DLC1: variants seen among roughly 807,000 people sequenced by gnomAD.
DLC1 encodes DLC1 Rho GTPase activating protein.
Under a neutral mutation model 140.3 loss-of-function variants are expected in DLC1, and 54 were observed. The observed-to-expected ratio is 0.38, with a 90% confidence interval of 0.31 to 0.48. DLC1 has a LOEUF of 0.48. DLC1 is among the 20% of genes least tolerant of loss of function. The probability of loss-of-function intolerance (pLI) is 0.96; values close to 1 mark genes in which losing one functional copy is unlikely to be tolerated. For missense variants in DLC1, 2,536 were observed against 1,907.0 expected, an observed-to-expected ratio of 1.33 and a Z score of -6.14; for synonymous variants, 986 against 728.1, an observed-to-expected ratio of 1.35 and a Z score of -5.70.
intron 3 of DLC1, among the ~76,000 whole-genome samples, chr8:13,397,862 G>C (rs566445169): frequency 1.3e-5 from 2 of 151,628 alleles, no homozygotes; most frequent in Non-Finnish European, 2.9e-5. Context: ...GCCAGGTGTG[G>C]TGGCTCACGC....
intron 4 of DLC1, 138 bp downstream of exon 4, chr8:13,393,415 T>G (rs1164608181): frequency 2.0e-6 from 2 of 985,282 alleles, no homozygotes; most frequent in Non-Finnish European, 2.8e-6. Flanking sequence ...TTGTACTTAA[T>G]TAAATAAATT....
At chr8:13,204,567 A>C (rs560464764) in intron 5 of DLC1, among the ~76,000 whole-genome samples, 1 of 152,330 alleles carries the variant, frequency 6.6e-6, no homozygotes, top group African/African-American at 2.4e-5. Context: ...TCATACACAC[A>C]CACAGTCATA....
rs74534666 is a variant in DLC1, at chr8:13,423,425, T to G, written c.1024-21806A>C. Among the ~76,000 whole-genome samples, 1,367 of 152,274 alleles carry G rather than the reference T, an allele frequency of 9.0e-3. 23 individuals are homozygous for G. The highest frequency in any genetic ancestry group is 0.032 in the African/African-American group (1,314 of 41,570). Reference sequence around the variant, plus strand: ...TAAGTGATTTGGAGAAGTAGACTTGTTTTATAAGCTGATGGGGAGGGATCT... The same window carrying G: ...TAAGTGATTTGGAGAAGTAGACTTGGTTTATAAGCTGATGGGGAGGGATCT... On this transcript the variant is annotated intron_variant, in intron 2 of 17. Coordinates refer to ENST00000276297, the MANE Select transcript of DLC1 (RefSeq NM_182643.3).
chr8:13,219,668 T>C (rs1304744028), intron 5 of DLC1, among the ~76,000 whole-genome samples: 1 of 151,984 alleles, frequency 6.6e-6, no homozygotes, highest in East Asian at 1.9e-4. Flanking sequence ...TATATCTATA[T>C]CTCCAAGAAT....
chr8:13,192,806 G>T (rs1454369196), intron 5 of DLC1, among the ~76,000 whole-genome samples: 1 of 152,208 alleles, frequency 6.6e-6, no homozygotes, highest in Non-Finnish European at 1.5e-5. Flanking sequence ...CCCTCTGAGG[G>T]CAAAGCAGAG....
At chr8:13,473,287 C>CCACA (rs1416907687) in intron 2 of DLC1, among the ~76,000 whole-genome samples, 2 of 152,040 alleles carry the variant, frequency 1.3e-5, no homozygotes, top group African/African-American at 2.4e-5. Context: ...TGGGAAGGAC[C>CCACA]TGGTGGGAGG....
intron 4 of DLC1, among the ~76,000 whole-genome samples, chr8:13,383,575 C>G (rs144281349): frequency 9.4e-4 from 143 of 152,266 alleles, no homozygotes; most frequent in African/African-American, 3.2e-3. Flanking sequence ...TAACCAGCCT[C>G]CAAGTTGCCA....
At chr8:13,164,560 C>T (rs568947428) in intron 5 of DLC1, among the ~76,000 whole-genome samples, 5 of 152,038 alleles carry the variant, frequency 3.3e-5, no homozygotes, top group African/African-American at 7.2e-5. Context: ...TTAATTTTAA[C>T]GGGATCTTAT....
At chr8:13,367,444 G>T (rs946509406) in intron 4 of DLC1, among the ~76,000 whole-genome samples, 1 of 152,086 alleles carries the variant, frequency 6.6e-6, no homozygotes, top group Non-Finnish European at 1.5e-5. Context: ...GTCATTAGGG[G>T]GCCCAATAGA....
chr8:13,128,617 G>A (rs1398513602), intron 5 of DLC1, among the ~76,000 whole-genome samples: 1 of 152,194 alleles, frequency 6.6e-6, no homozygotes, highest in African/African-American at 2.4e-5. Context: ...CGGATCACGA[G>A]GTCAGGAGAT....
chr8:13,507,007 T>C (rs889020753), intron 1 of DLC1, among the ~76,000 whole-genome samples: 35 of 152,114 alleles, frequency 2.3e-4, no homozygotes, highest in Non-Finnish European at 4.0e-4. Context: ...TGAATTGAAT[T>C]AGGCAACTAG....
At chr8:13,424,566 A>C (rs181598172) in intron 2 of DLC1, among the ~76,000 whole-genome samples, 1 of 152,080 alleles carries the variant, frequency 6.6e-6, no homozygotes, top group Non-Finnish European at 1.5e-5. Flanking sequence ...TGTTGGTCCA[A>C]AATTTGTAAT....
chr8:13,232,559 T>C (rs989677907), intron 5 of DLC1, among the ~76,000 whole-genome samples: 2 of 152,166 alleles, frequency 1.3e-5, no homozygotes, highest in Non-Finnish European at 2.9e-5. Flanking sequence ...TCTCGATCTC[T>C]TGACCTCATG....
At chr8:13,501,291 T>G (rs1421518502) in intron 1 of DLC1, among the ~76,000 whole-genome samples, 2 of 152,130 alleles carry the variant, frequency 1.3e-5, no homozygotes, top group East Asian at 3.9e-4. Flanking sequence ...GTACCCAAAT[T>G]TTTGCCTTGA....
chr8:13,248,977 T>A (rs1829884900), intron 5 of DLC1, among the ~76,000 whole-genome samples: 1 of 152,198 alleles, frequency 6.6e-6, no homozygotes, highest in African/African-American at 2.4e-5. Context: ...ACTCATTTAC[T>A]CCCTAACCTC....
At chr8:13,587,470 G>A (rs2117462503) in intron 1 of DLC1, among the ~76,000 whole-genome samples, 1 of 151,178 alleles carries the variant, frequency 6.6e-6, no homozygotes, top group African/African-American at 2.4e-5. Context: ...TGTTTGAAGA[G>A]CTTTATAGAA....
chr8:13,123,600 G>A (rs541051967), intron 5 of DLC1, among the ~76,000 whole-genome samples: 19 of 151,424 alleles, frequency 1.3e-4, no homozygotes, highest in African/African-American at 3.6e-4. Flanking sequence ...TGCCTGCCTC[G>A]GCCTCCCTCC....
At chr8:13,562,610 A>C (rs950849038) in intron 1 of DLC1, among the ~76,000 whole-genome samples, 3 of 152,184 alleles carry the variant, frequency 2.0e-5, no homozygotes, top group African/African-American at 7.2e-5. Context: ...GCTCCCATAC[A>C]TTGCTGGCAG....
intron 1 of DLC1, among the ~76,000 whole-genome samples, chr8:13,541,734 A>G (rs530690692): frequency 6.6e-6 from 1 of 152,214 alleles, no homozygotes; most frequent in African/African-American, 2.4e-5. Flanking sequence ...TATTTTTAGT[A>G]GAGATGGGGT....
Sources: gnomAD v4.1 joint callset for allele counts (sites outside exome capture counted in the v4.1 genomes callset) on GRCh38, gnomAD v4.1.1 for gene constraint, MANE v1.5 for transcripts, NCBI Gene and HGNC (gene_info 2026-07-23, HGNC 2026-07-21) for gene names.